Variants in PSMA1 observed in about 807,000 individuals in gnomAD.
PSMA1 encodes the protein proteasome subunit alpha type-1.
A neutral mutation model predicts 38.4 loss-of-function variants in PSMA1; 3 were observed. That is an observed-to-expected ratio of 0.08 (90% confidence interval 0.04 to 0.20). The LOEUF is 0.20. PSMA1 is among the 10% of genes least tolerant of loss of function. The probability of loss-of-function intolerance (pLI) is 1.00; values close to 1 mark genes in which losing one functional copy is unlikely to be tolerated. For synonymous variants in PSMA1, 101 were observed against 107.1 expected (o/e 0.94, Z 0.35); for missense variants, 227 against 325.3 (o/e 0.70, Z 2.32).
At chr11:14,621,936 T>C (rs1462075790) in intron 1 of PSMA1, among the ~76,000 whole-genome samples, 1 of 152,196 alleles carries the variant, frequency 6.6e-6, no homozygotes. Flanking sequence ...TTCCATTTAG[T>C]AACTCATTTA....
chr11:14,520,351 G>T lies in PSMA1; in HGVS notation c.-52C>A, dbSNP rs777316245. On this transcript the variant is annotated 5_prime_UTR_variant, in exon 1 of 10. Coordinates refer to ENST00000396394, the MANE Select transcript of PSMA1 (RefSeq NM_002786.4). ...CTCCAGCAAAACTGAGAATCAAGGA[G>T]GTGCTGCCGAAAGTATCGCTCAGCG... 1 of 1,614,186 alleles carries T rather than the reference G, an allele frequency of 6.2e-7. No individual in the cohort carries two copies. The highest frequency in any genetic ancestry group is 8.5e-7 in the Non-Finnish European group (1 of 1,180,008).
intron 1 of PSMA1, among the ~76,000 whole-genome samples, chr11:14,630,666 G>A (rs1450126577): frequency 2.6e-5 from 4 of 151,552 alleles, no homozygotes; most frequent in Non-Finnish European, 5.9e-5. Context: ...GTATCAGAAT[G>A]ATGCTGGCCT....
upstream of PSMA1, chr11:14,520,521 G>T: frequency 7.1e-7 from 1 of 1,408,930 alleles, no homozygotes; most frequent in South Asian, 1.5e-5. Context: ...GAAGATCTAG[G>T]AACTGAGACT....
upstream of PSMA1, among the ~76,000 whole-genome samples, chr11:14,521,643 C>T (rs1272366135): frequency 6.6e-6 from 1 of 150,880 alleles, no homozygotes; most frequent in South Asian, 2.1e-4. Flanking sequence ...ATTAGCCGGG[C>T]GTGGTGGCGT....
At chr11:14,599,217 T>C (rs1402272507) in intron 2 of PSMA1, among the ~76,000 whole-genome samples, 1 of 152,224 alleles carries the variant, frequency 6.6e-6, no homozygotes, top group Non-Finnish European at 1.5e-5. Flanking sequence ...TTATGTGCCT[T>C]GGAGTTGCTC....
intron 2 of PSMA1, among the ~76,000 whole-genome samples, chr11:14,552,802 A>C (rs1380663851): frequency 6.7e-6 from 1 of 148,814 alleles, no homozygotes; most frequent in Non-Finnish European, 1.5e-5. Flanking sequence ...ATGAAGTTTT[A>C]TTATAGAGCT....
At chr11:14,602,362 GAA>G (rs1852593091) in intron 2 of PSMA1, among the ~76,000 whole-genome samples, 1 of 152,130 alleles carries the variant, frequency 6.6e-6, no homozygotes, top group Non-Finnish European at 1.5e-5. Context: ...TTGTTTGGGA[GAA>G]AAGAGTGGAC....
chr11:14,643,098 CAAG>C lies in PSMA1; in HGVS notation c.-166+354_-166+356del, dbSNP rs1853240152. 2.0e-5 allele frequency among the ~76,000 whole-genome samples: 3 copies of C among 151,264 alleles called. No individual in the cohort carries two copies. In the South Asian group the frequency reaches 6.3e-4, roughly 32 times the overall value. On this transcript the variant is annotated intron_variant, in intron 1 of 10. Transcript: ENST00000418988. The stretch of plus-strand genomic sequence containing the variant: ...GTGAAGATGGTTCTTGAGCAACACT[CAAG>C]AACGTGCACGTGGAGTGCTACTAGA...
intron 1 of PSMA1, among the ~76,000 whole-genome samples, chr11:14,635,110 AG>A (rs1853095429): frequency 6.6e-6 from 1 of 152,170 alleles, no homozygotes; most frequent in Non-Finnish European, 1.5e-5. Flanking sequence ...ACATTTGAGA[AG>A]CTATAATGAG....
At chr11:14,591,957 G>C (rs570890873) in intron 2 of PSMA1, among the ~76,000 whole-genome samples, 6 of 152,224 alleles carry the variant, frequency 3.9e-5, no homozygotes, top group African/African-American at 1.4e-4. Context: ...GCTTTTATGA[G>C]CTGTAACACT....
intron 2 of PSMA1, among the ~76,000 whole-genome samples, chr11:14,610,374 C>G (rs1309067969): frequency 6.6e-6 from 1 of 151,802 alleles, no homozygotes; most frequent in Non-Finnish European, 1.5e-5. Context: ...GTCTTATGAA[C>G]AGGTATCTCA....
intron 1 of PSMA1, 63 bp downstream of exon 1, chr11:14,520,234 C>A: frequency 6.2e-7 from 1 of 1,609,976 alleles, no homozygotes; most frequent in Non-Finnish European, 8.5e-7. Context: ...GGAGAGGTGG[C>A]TCGTCATCCC....
At chr11:14,544,934 T>G (rs1589988540) in intron 2 of PSMA1, among the ~76,000 whole-genome samples, 1 of 152,316 alleles carries the variant, frequency 6.6e-6, no homozygotes, top group South Asian at 2.1e-4. Context: ...AACCTAAACG[T>G]GCATCAACAT....
At chr11:14,521,135 G>GTCTGACATCTCTGCAAACAGCTGCCAA (rs57179677), upstream of PSMA1, among the ~76,000 whole-genome samples, 100,355 of 151,056 alleles carry the variant, frequency 0.66, 33,563 homozygotes, top group African/African-American at 0.71. Flanking sequence ...TAACGAAATA[G>GTCTGACATCTCTGCAAACAGCTGCCAA]TCTGACATCC....
intron 8 of PSMA1, among the ~76,000 whole-genome samples, chr11:14,508,560 T>TAAAAAAAAAAAAAAAAAAAAAA (rs1851284969): frequency 2.4e-3 from 1 of 410 alleles, no homozygotes; most frequent in Admixed American, 0.031. Flanking sequence ...CCACTCCATC[T>TAAAAAAAAAAAAAAAAAAAAAA]CAAAAAAAAA....
chr11:14,601,684 A>G (rs1438721755), intron 2 of PSMA1, among the ~76,000 whole-genome samples: 1 of 152,208 alleles, frequency 6.6e-6, no homozygotes, highest in East Asian at 1.9e-4. Context: ...AAAGATTTAT[A>G]GATGCCTTAA....
At chr11:14,593,626 GA>G in intron 2 of PSMA1, among the ~76,000 whole-genome samples, 1 of 137,056 alleles carries the variant, frequency 7.3e-6, no homozygotes, top group Non-Finnish European at 1.5e-5. Context: ...GAGAGAGAGA[GA>G]GAGAGAGAGA....
At chr11:14,569,563 C>T (rs1018299633) in intron 2 of PSMA1, among the ~76,000 whole-genome samples, 1 of 152,224 alleles carries the variant, frequency 6.6e-6, no homozygotes, top group East Asian at 1.9e-4. Flanking sequence ...GAGATTATAT[C>T]CCACGCCTGG....
chr11:14,513,504 G>A, intron 7 of PSMA1, 66 bp downstream of exon 7: 2 of 1,260,012 alleles, frequency 1.6e-6, no homozygotes, highest in Non-Finnish European at 2.0e-6. Flanking sequence ...AGGATACTAT[G>A]TTTATTTACT....
Sources: allele counts gnomAD v4.1 joint callset (sites outside exome capture counted in the v4.1 genomes callset), GRCh38; gene constraint gnomAD v4.1.1; transcripts MANE v1.5; gene names NCBI Gene and HGNC (gene_info 2026-07-23, HGNC 2026-07-21).